Variants in PSMB2 observed in about 807,000 individuals in gnomAD.
PSMB2 encodes the protein proteasome 20S subunit beta 2.
In PSMB2, 13 loss-of-function variants were observed where a neutral mutation model predicts 25.7. The ratio of observed to expected loss-of-function variants is 0.51; its 90% confidence interval spans 0.33 to 0.80. The LOEUF is 0.80. PSMB2 is among the 30% of genes least tolerant of loss of function. PSMB2 has a pLI of 0.02. For missense variants in PSMB2, 202 were observed against 259.0 expected, an observed-to-expected ratio of 0.78 and a Z score of 1.51; for synonymous variants, 87 against 96.2, an observed-to-expected ratio of 0.90 and a Z score of 0.56.
chr1:35,608,391 T>C (rs1250739003), intron 4 of PSMB2, among the ~76,000 whole-genome samples: 3 of 151,322 alleles, frequency 2.0e-5, no homozygotes, highest in Non-Finnish European at 2.9e-5. Context: ...TAGAAAATTA[T>C]GGATAGACAG....
chr1:35,603,256 A>T lies in PSMB2; in HGVS notation c.*11T>A, dbSNP rs753421559. Reference sequence around the variant, plus strand: ...AAAAGTTCCCTGGCAAGTGGGAGGGAGGACATGATGTTAGGAGCCCTGTTT... The same window carrying T: ...AAAAGTTCCCTGGCAAGTGGGAGGGTGGACATGATGTTAGGAGCCCTGTTT... On this transcript the variant is annotated 3_prime_UTR_variant, in exon 6 of 6. Coordinates refer to ENST00000373237, the MANE Select transcript of PSMB2 (RefSeq NM_002794.5). 6.2e-7 allele frequency: 1 copy of T among 1,611,920 alleles called. No individual in the cohort carries two copies. The highest frequency in any genetic ancestry group is 1.3e-5 in the African/African-American group (1 of 74,794).
chr1:35,600,753 T>C lies in PSMB2; in HGVS notation c.*2514A>G. Reference sequence around the variant, plus strand: ...AAAACACTGAGAGTCAGGATGGGTTTGCAGGCTTGCCTGAGATTGCCCTGG... The same window carrying C: ...AAAACACTGAGAGTCAGGATGGGTTCGCAGGCTTGCCTGAGATTGCCCTGG... On this transcript the variant is annotated 3_prime_UTR_variant, in exon 6 of 6. Transcript: ENST00000373237. 3.0e-6 allele frequency: 3 copies of C among 985,428 alleles called. No homozygotes were observed. Among genetic ancestry groups the C allele is most frequent in the Non-Finnish European group, 3.6e-6 (3 of 829,948 alleles). 61.0% of individuals were successfully genotyped at this position (985,428 alleles called of 1,614,324 possible).
At chr1:35,639,736 A>C (rs1357230900) in intron 1 of PSMB2, among the ~76,000 whole-genome samples, 2 of 152,250 alleles carry the variant, frequency 1.3e-5, no homozygotes, top group Non-Finnish European at 2.9e-5. Flanking sequence ...ACATGACTTA[A>C]TGTTAAAATC....
At position 35,609,398 on chromosome 1, in the gene PSMB2, T is replaced by A; in HGVS notation, c.296A>T (p.His99Leu). ...ATAGCCAGCCAGGAGGAGGTTCACA[T>A]GATATGGGGTCTGCAAAGAAAAGAT... is the stretch of plus-strand genomic sequence containing the variant. ...ADCLRSRTPY[H>L]VNLLLAGYDE... Residue 99 changes from histidine to leucine, a missense_variant, in exon 4 of 6, where the codon CAT (histidine) becomes CTT (leucine). His to Leu is a moderately conservative substitution (Grantham distance 99). Coordinates refer to ENST00000373237, the MANE Select transcript of PSMB2 (RefSeq NM_002794.5). 1 of 1,552,210 alleles carries A rather than the reference T, an allele frequency of 6.4e-7. No homozygotes were observed. Among genetic ancestry groups the A allele is most frequent in the Non-Finnish European group, 8.7e-7 (1 of 1,145,048 alleles).
intron 3 of PSMB2, among the ~76,000 whole-genome samples, chr1:35,621,262 G>A (rs2148570008): frequency 6.6e-6 from 1 of 152,142 alleles, no homozygotes; most frequent in East Asian, 1.9e-4. Context: ...TGTGCTCCCA[G>A]AGTACCCTGT....
chr1:35,636,797 C>G (rs748967455), intron 1 of PSMB2, among the ~76,000 whole-genome samples: 2 of 152,130 alleles, frequency 1.3e-5, no homozygotes, highest in Non-Finnish European at 2.9e-5. Flanking sequence ...ATATAATGGA[C>G]TTTAAGCATC....
At chr1:35,639,571 T>C (rs1329380954) in intron 1 of PSMB2, among the ~76,000 whole-genome samples, 3 of 152,000 alleles carry the variant, frequency 2.0e-5, no homozygotes, top group Admixed American at 6.5e-5. Context: ...TGGACTCTTC[T>C]ATGGGTTATA....
At chr1:35,613,522 AAAAAG>A (rs1442632742) in intron 3 of PSMB2, among the ~76,000 whole-genome samples, 1 of 152,232 alleles carries the variant, frequency 6.6e-6, no homozygotes, top group Non-Finnish European at 1.5e-5. Flanking sequence ...TCTACCAAAT[AAAAAG>A]AAAAGTCACT....
In PSMB2 at chr1:35,600,177, A is replaced by G. The variant is rs1414176120; in HGVS notation, c.*3090T>C. On this transcript the variant is annotated 3_prime_UTR_variant, in exon 6 of 6. Transcript: ENST00000373237. ...ACAATAAAAAATTATAATAAAATTA[A>G]AAGATTTAGGATGTAGAAATGCCAG... The G allele has an allele frequency of 1.0e-6, 1 of 983,972 alleles. No individual in the cohort carries two copies. The highest frequency in any genetic ancestry group is 1.1e-4 in the East Asian group (1 of 8,818). The allele number at this position is 983,972 out of a possible 1,614,324, so 61.0% of individuals were successfully genotyped here.
rs199631354 is a variant in PSMB2, at chr1:35,627,196, G to A, written c.285+4078C>T. Reference sequence around the variant, plus strand: ...GTGGGAGTATTGTTTGAGCCCGGGAGGTTGAGGCTGCAGTGAGCTGTGACT... The same window carrying A: ...GTGGGAGTATTGTTTGAGCCCGGGAAGTTGAGGCTGCAGTGAGCTGTGACT... On this transcript the variant is annotated intron_variant, in intron 3 of 5. Transcript: ENST00000373237. 4.9e-4 allele frequency among the ~76,000 whole-genome samples: 73 copies of A among 149,324 alleles called. 1 individual carries two copies. In the East Asian group the frequency reaches 0.012, roughly 25 times the overall value.
intron 3 of PSMB2, among the ~76,000 whole-genome samples, chr1:35,628,599 ATATATATATATATAT>A (rs1650971367): frequency 2.5e-4 from 6 of 23,604 alleles, no homozygotes; most frequent in African/African-American, 6.4e-4. Context: ...AAAAAAAAAT[ATATATATATATATAT>A]ATATATATAT....
intron 3 of PSMB2, among the ~76,000 whole-genome samples, chr1:35,615,054 G>T (rs1174751585): frequency 6.6e-6 from 1 of 152,156 alleles, no homozygotes; most frequent in Admixed American, 6.5e-5. Context: ...TCAGTGCAAT[G>T]CCTGATATAT....
chr1:35,600,318 C>T lies in PSMB2; in HGVS notation c.*2949G>A. 1 of 930,626 alleles carries T rather than the reference C, an allele frequency of 1.1e-6. No homozygotes were observed. Among genetic ancestry groups the T allele is most frequent in the Non-Finnish European group, 1.3e-6 (1 of 780,144 alleles). 57.6% of individuals were successfully genotyped at this position (930,626 alleles called of 1,614,324 possible). A position where few individuals can be genotyped will look rare whatever the true frequency, so the allele number is the denominator to read the frequency against. ...GAACAGAAGAAAATTAGTGGAAAAACTGGTAAAATCTGAATAAAGCCTGGA... is the reference window on the plus strand; with the variant it reads ...GAACAGAAGAAAATTAGTGGAAAAATTGGTAAAATCTGAATAAAGCCTGGA... On this transcript the variant is annotated 3_prime_UTR_variant, in exon 6 of 6. Transcript: ENST00000373237.
At chr1:35,605,653 C>A (rs933795007) in intron 4 of PSMB2, among the ~76,000 whole-genome samples, 1 of 152,214 alleles carries the variant, frequency 6.6e-6, no homozygotes. Flanking sequence ...TTCCATCTGC[C>A]CCAGTCAGCT....
chr1:35,631,425 C>T (rs1651094699), intron 2 of PSMB2, 81 bp from the exon 3 acceptor site: 3 of 1,589,156 alleles, frequency 1.9e-6, no homozygotes, highest in Non-Finnish European at 2.6e-6. Context: ...ACCCCTGTTC[C>T]TAAAGCCCAC....
chr1:35,641,219 AC>A, intron 1 of PSMB2, 122 bp downstream of exon 1: 1 of 1,212,728 alleles, frequency 8.2e-7, no homozygotes, highest in Middle Eastern at 2.9e-4. Context: ...TAAAATAAGT[AC>A]GGGCAGGGCA....
At position 35,633,732 on chromosome 1, in the gene PSMB2, A is replaced by G. The variant is rs76115342; in HGVS notation, c.215-2388T>C. 3.3e-3 allele frequency among the ~76,000 whole-genome samples: 506 copies of G among 152,378 alleles called. 1 individual carries two copies. The highest frequency in any genetic ancestry group is 0.011 in the African/African-American group (475 of 41,598). On this transcript the variant is annotated intron_variant, in intron 2 of 5. Coordinates refer to ENST00000373237, the MANE Select transcript of PSMB2 (RefSeq NM_002794.5). Reference sequence around the variant, plus strand: ...CATAAACCTAAGTACCATGTACTTTATGTTCCTGAATGTCAGGACTAAGCC... The same window carrying G: ...CATAAACCTAAGTACCATGTACTTTGTGTTCCTGAATGTCAGGACTAAGCC...
chr1:35,612,427 A>T (rs1223206770), intron 3 of PSMB2, among the ~76,000 whole-genome samples: 2 of 152,216 alleles, frequency 1.3e-5, no homozygotes, highest in Non-Finnish European at 2.9e-5. Context: ...AATTCCTACT[A>T]CATAACTACA....
At position 35,601,819 on chromosome 1, in the gene PSMB2, C is replaced by G. The variant is rs1650010625; in HGVS notation, c.*1448G>C. Reference sequence around the variant, plus strand: ...GAGATGAACATTCTGAAACACACATCTGGTCAAGAACCACTGTTTTAATAG... The same window carrying G: ...GAGATGAACATTCTGAAACACACATGTGGTCAAGAACCACTGTTTTAATAG... On this transcript the variant is annotated 3_prime_UTR_variant, in exon 6 of 6. Transcript: ENST00000373237. 2.0e-6 allele frequency: 2 copies of G among 985,320 alleles called. No homozygotes were observed. Among genetic ancestry groups the G allele is most frequent in the Non-Finnish European group, 1.2e-6 (1 of 829,940 alleles). The allele number at this position is 985,320 out of a possible 1,614,324, so 61.0% of individuals were successfully genotyped here. A position where few individuals can be genotyped will look rare whatever the true frequency, so the allele number is the denominator to read the frequency against.
Sources: allele counts gnomAD v4.1 joint callset (sites outside exome capture counted in the v4.1 genomes callset), GRCh38; gene constraint gnomAD v4.1.1; transcripts MANE v1.5; gene names NCBI Gene and HGNC (gene_info 2026-07-23, HGNC 2026-07-21).